AKAP6: variants seen among roughly 807,000 people sequenced by gnomAD.
The protein encoded by AKAP6 is A-kinase anchoring protein 6, also known as A-kinase anchor protein 6.
A neutral mutation model predicts 188.5 loss-of-function variants in AKAP6; 58 were observed. The ratio of observed to expected loss-of-function variants is 0.31; its 90% CI spans 0.25 to 0.38. The LOEUF (loss-of-function observed/expected upper bound fraction) is 0.38, where lower values mean the gene tolerates loss of function less well. Ranked by LOEUF, AKAP6 falls within the 10% of genes least tolerant of loss-of-function variation. The pLI, the probability that AKAP6 is intolerant of heterozygous loss-of-function variation, is 1.00. For missense variants in AKAP6, 2,710 were observed against 2,740.0 expected, an observed-to-expected ratio of 0.99 and a Z score of 0.24; for synonymous variants, 989 against 998.6, an observed-to-expected ratio of 0.99 and a Z score of 0.18.
chr14:32,817,491 T>TG (rs1566732438), intron 12 of AKAP6, among the ~76,000 whole-genome samples: 3,386 of 145,356 alleles, frequency 0.023, 47 homozygotes, highest in East Asian at 0.035. Context: ...GTGTCTGTGT[T>TG]TGTGTGTGTG....
chr14:32,828,449 ATAAC>A (rs1383941095), intron 13 of AKAP6, among the ~76,000 whole-genome samples: 1 of 152,030 alleles, frequency 6.6e-6, no homozygotes, highest in East Asian at 1.9e-4. Context: ...GCACTTCTGA[ATAAC>A]TAGCCCTGCT....
intron 1 of AKAP6, among the ~76,000 whole-genome samples, chr14:32,400,253 C>T (rs1489797720): frequency 1.3e-5 from 2 of 150,938 alleles, no homozygotes; most frequent in Non-Finnish European, 3.0e-5. Flanking sequence ...TCCAGTCCAC[C>T]TGTTTTCAGA....
intron 1 of AKAP6, among the ~76,000 whole-genome samples, chr14:32,370,659 T>A (rs1462353944): frequency 6.6e-6 from 1 of 152,208 alleles, no homozygotes; most frequent in Non-Finnish European, 1.5e-5. Context: ...ATAAGATAAA[T>A]CTTTTACTAC....
chr14:32,373,032 G>C lies in AKAP6; in HGVS notation c.-35+43624G>C, dbSNP rs192412354. ...TAGAAATTTTGAGAGAATTTTTGAT[G>C]TTTCAGAGTCTGACGGTTCTAGCTC... On this transcript the variant is annotated intron_variant, in intron 1 of 13. Coordinates refer to ENST00000280979, the MANE Select transcript of AKAP6 (RefSeq NM_004274.5). Among the ~76,000 whole-genome samples, 529 of 151,520 alleles carry C rather than the reference G, an allele frequency of 3.5e-3. 6 individuals carry two copies. The highest frequency in any genetic ancestry group is 3.2e-3 in the Non-Finnish European group (214 of 67,922).
intron 2 of AKAP6, among the ~76,000 whole-genome samples, chr14:32,452,273 A>T (rs1890968086): frequency 1.3e-5 from 2 of 152,048 alleles, no homozygotes; most frequent in African/African-American, 4.8e-5. Flanking sequence ...AGCTCAAGCA[A>T]TCTGCCGACC....
intron 1 of AKAP6, among the ~76,000 whole-genome samples, chr14:32,332,295 A>T (rs953288433): frequency 1.9e-4 from 29 of 152,206 alleles, no homozygotes; most frequent in African/African-American, 7.0e-4. Context: ...TCAGTCATCT[A>T]TACTCTATCA....
chr14:32,567,090 G>A (rs1884227777), intron 4 of AKAP6, among the ~76,000 whole-genome samples: 1 of 151,970 alleles, frequency 6.6e-6, no homozygotes, highest in Non-Finnish European at 1.5e-5. Context: ...ACCAGCAAGT[G>A]TTTTATTTTT....
intron 1 of AKAP6, among the ~76,000 whole-genome samples, chr14:32,379,211 C>T (rs558758363): frequency 3.3e-5 from 5 of 152,222 alleles, no homozygotes; most frequent in South Asian, 2.1e-4. Context: ...TGAGCCACTG[C>T]GCCCAGCCAT....
At chr14:32,562,350 CT>C (rs996646364) in intron 4 of AKAP6, among the ~76,000 whole-genome samples, 1 of 151,400 alleles carries the variant, frequency 6.6e-6, no homozygotes, top group African/African-American at 2.4e-5. Context: ...ATCTAATACT[CT>C]TTTTTCTTCC....
intron 7 of AKAP6, among the ~76,000 whole-genome samples, chr14:32,653,621 A>G (rs1015488818): frequency 3.5e-5 from 5 of 141,750 alleles, no homozygotes; most frequent in African/African-American, 1.3e-4. Context: ...TTCTTTATTA[A>G]TTACCCAGTC....
chr14:32,652,643 G>A (rs1262583816), intron 7 of AKAP6, among the ~76,000 whole-genome samples: 2 of 152,134 alleles, frequency 1.3e-5, no homozygotes, highest in East Asian at 3.9e-4. Context: ...TTTCCAGCCA[G>A]GAAGACTTTA....
intron 11 of AKAP6, among the ~76,000 whole-genome samples, chr14:32,758,885 A>G (rs1433432361): frequency 6.6e-6 from 1 of 152,228 alleles, no homozygotes; most frequent in Non-Finnish European, 1.5e-5. Flanking sequence ...ATTGGAACTC[A>G]GAGATTTACC....
chr14:32,619,435 T>C (rs1241287281), intron 7 of AKAP6, among the ~76,000 whole-genome samples: 2 of 152,078 alleles, frequency 1.3e-5, no homozygotes, highest in Non-Finnish European at 2.9e-5. Context: ...GTGTGTTCTT[T>C]CTCCAATTTA....
At chr14:32,354,783 C>T (rs563277159) in intron 1 of AKAP6, among the ~76,000 whole-genome samples, 38 of 152,246 alleles carry the variant, frequency 2.5e-4, no homozygotes, top group Non-Finnish European at 4.6e-4. Context: ...TACACTGAAA[C>T]TGCTGTCATA....
chr14:32,592,918 C>T (rs1237932399), intron 5 of AKAP6, among the ~76,000 whole-genome samples: 2 of 151,922 alleles, frequency 1.3e-5, no homozygotes, highest in Non-Finnish European at 2.9e-5. Context: ...AGAGCCCTTG[C>T]TTGTCAACAG....
intron 7 of AKAP6, among the ~76,000 whole-genome samples, 168 bp downstream of exon 7, chr14:32,600,960 T>C (rs1566598506): frequency 6.6e-6 from 1 of 152,182 alleles, no homozygotes; most frequent in Admixed American, 6.6e-5. Flanking sequence ...TTTAAAACAA[T>C]AAAGCCTTCA....
chr14:32,652,053 T>A (rs1888253332), intron 7 of AKAP6, among the ~76,000 whole-genome samples: 1 of 152,148 alleles, frequency 6.6e-6, no homozygotes, highest in South Asian at 2.1e-4. Flanking sequence ...GGTGTCCGGA[T>A]CTACATCTTC....
intron 1 of AKAP6, among the ~76,000 whole-genome samples, chr14:32,431,086 C>A (rs1413912449): frequency 4.7e-5 from 7 of 148,554 alleles, no homozygotes; most frequent in Non-Finnish European, 7.5e-5. Context: ...GCCTGGGCAA[C>A]AGAGTGAGAC....
At chr14:32,744,504 G>C (rs1165927738) in intron 11 of AKAP6, among the ~76,000 whole-genome samples, 1 of 151,948 alleles carries the variant, frequency 6.6e-6, no homozygotes, top group African/African-American at 2.4e-5. Context: ...CTTTGGTAGA[G>C]ACAGGGTTTC....
Sources: allele counts gnomAD v4.1 joint callset (sites outside exome capture counted in the v4.1 genomes callset), GRCh38; gene constraint gnomAD v4.1.1; transcripts MANE v1.5; gene names NCBI Gene and HGNC (gene_info 2026-07-23, HGNC 2026-07-21).